ITGAV: variants seen among roughly 807,000 people sequenced by gnomAD.
ITGAV encodes integrin alpha-V.
A neutral mutation model predicts 143.8 loss-of-function variants in ITGAV; 76 were observed. That is an observed-to-expected ratio of 0.53 (90% CI 0.44 to 0.64). The LOEUF (loss-of-function observed/expected upper bound fraction) is 0.64, where lower values mean the gene tolerates loss of function less well. Ranked by LOEUF, ITGAV falls within the 30% of genes least tolerant of loss-of-function variation. ITGAV has a pLI of 0.00. For missense variants in ITGAV, 1,193 were observed against 1,274.7 expected (o/e 0.94, Z 0.98); for synonymous variants, 453 against 446.7 (o/e 1.01, Z -0.18).
intron 17 of ITGAV, among the ~76,000 whole-genome samples, chr2:186,657,784 A>C (rs1192552573): frequency 1.3e-5 from 2 of 152,152 alleles, no homozygotes; most frequent in Non-Finnish European, 2.9e-5. Context: ...TTAGAAAAAC[A>C]ATACAACTGT....
At chr2:186,593,364 C>T (rs1214274119) in intron 1 of ITGAV, among the ~76,000 whole-genome samples, 4 of 151,874 alleles carry the variant, frequency 2.6e-5, no homozygotes, top group African/African-American at 4.8e-5. Flanking sequence ...AATGTTAAGG[C>T]GGCCCCTCAA....
rs1287620218 is a variant in ITGAV, at chr2:186,678,751, T to C, written c.*1459T>C. The C allele has an allele frequency of 6.6e-6, 3 of 455,730 alleles. No homozygotes were observed. Among genetic ancestry groups the C allele is most frequent in the African/African-American group, 6.0e-5 (3 of 50,054 alleles). The allele number at this position is 455,730 out of a possible 1,614,324, so 28.2% of individuals were successfully genotyped here. ...CCTATTTTTGTGCAATTACATCATG[T>C]TGTACATTAGAAATGGAGAGTTTAA... On this transcript the variant is annotated 3_prime_UTR_variant, in exon 30 of 30. Coordinates refer to ENST00000261023, the MANE Select transcript of ITGAV (RefSeq NM_002210.5).
At chr2:186,668,216 ATTTT>A (rs1186490756) in intron 24 of ITGAV, among the ~76,000 whole-genome samples, 1 of 4,190 alleles carries the variant, frequency 2.4e-4, no homozygotes, top group Admixed American at 4.3e-3. Flanking sequence ...ATATATATAT[ATTTT>A]TTTTTTTTTT....
At chr2:186,633,055 A>G (rs1390233386) in intron 5 of ITGAV, among the ~76,000 whole-genome samples, 1 of 151,462 alleles carries the variant, frequency 6.6e-6, no homozygotes, top group East Asian at 1.9e-4. Flanking sequence ...AAATCTCAGC[A>G]CTTTAAGAGG....
chr2:186,609,903 A>G (rs1306786497), intron 2 of ITGAV, among the ~76,000 whole-genome samples: 1 of 152,038 alleles, frequency 6.6e-6, no homozygotes. Flanking sequence ...AAAGATATAA[A>G]TGAGTTTTTA....
intron 13 of ITGAV, among the ~76,000 whole-genome samples, chr2:186,647,852 G>A (rs1688305462): frequency 6.6e-6 from 1 of 152,182 alleles, no homozygotes; most frequent in African/African-American, 2.4e-5. Flanking sequence ...CAATATACAA[G>A]TGTGTTGGTC....
At chr2:186,663,100 A>G (rs1185872535) in intron 18 of ITGAV, among the ~76,000 whole-genome samples, 2 of 152,006 alleles carry the variant, frequency 1.3e-5, no homozygotes, top group Non-Finnish European at 2.9e-5. Flanking sequence ...TCTAGCTGGA[A>G]CATTCTCCTG....
At chr2:186,620,323 G>GA (rs1687486182) in intron 2 of ITGAV, among the ~76,000 whole-genome samples, 2 of 152,164 alleles carry the variant, frequency 1.3e-5, no homozygotes, top group African/African-American at 4.8e-5. Flanking sequence ...AAACACACCT[G>GA]AATTTTCAGT....
chr2:186,637,654 T>G (rs1687985460), intron 8 of ITGAV, among the ~76,000 whole-genome samples: 2 of 152,200 alleles, frequency 1.3e-5, no homozygotes, highest in Non-Finnish European at 2.9e-5. Flanking sequence ...TACACTTGGC[T>G]TCAGTGCCTT....
chr2:186,658,391 C>T (rs201361543), intron 17 of ITGAV, among the ~76,000 whole-genome samples: 2 of 152,160 alleles, frequency 1.3e-5, no homozygotes, highest in South Asian at 2.1e-4. Context: ...TTATACATTG[C>T]GGACGGCAGT....
At chr2:186,601,599 A>G (rs1686908274) in intron 1 of ITGAV, among the ~76,000 whole-genome samples, 1 of 151,914 alleles carries the variant, frequency 6.6e-6, no homozygotes, top group Admixed American at 6.6e-5. Flanking sequence ...CTCAACATTC[A>G]GAATATAGAA....
rs1553505647 is a variant in ITGAV at position 186,668,185 on chromosome 2, C to CATATATGTATATATATATAT, written c.2433+415_2433+416insGTATATATATATATATATAT. Among the ~76,000 whole-genome samples, 21 of 19,074 alleles carry CATATATGTATATATATATAT rather than the reference C, an allele frequency of 1.1e-3. 5 individuals are homozygous for CATATATGTATATATATATAT. The highest frequency in any genetic ancestry group is 1.7e-3 in the Non-Finnish European group (19 of 11,486). 12.5% of individuals were successfully genotyped at this position (19,074 alleles called of 152,430 possible). A position where few individuals can be genotyped will look rare whatever the true frequency, so the allele number is the denominator to read the frequency against. ...TTTGCCTTTTGTTTATACATACATA[C>CATATATGTATATATATATAT]ATATATATATATATATATATATATA... is the stretch of plus-strand genomic sequence containing the variant. On this transcript the variant is annotated intron_variant, in intron 24 of 29. Transcript: ENST00000261023.
intron 26 of ITGAV, among the ~76,000 whole-genome samples, chr2:186,673,401 C>G (rs929125432): frequency 6.6e-6 from 1 of 152,062 alleles, no homozygotes; most frequent in East Asian, 1.9e-4. Flanking sequence ...GAGTCCCTTG[C>G]GATTCCATGT....
At chr2:186,600,348 C>T in intron 1 of ITGAV, 1 of 1,539,564 alleles carries the variant, frequency 6.5e-7, no homozygotes, top group South Asian at 1.2e-5. Flanking sequence ...CTCCTAGGCA[C>T]CCTCCTTCTG....
At position 186,680,679 on chromosome 2, in the gene ITGAV, G is replaced by A. The variant is rs183616377; in HGVS notation, c.*3387G>A. The A allele has an allele frequency of 4.7e-4, 72 of 152,636 alleles. No individual in the cohort carries two copies. Among genetic ancestry groups the A allele is most frequent in the African/African-American group, 1.7e-3 (71 of 41,546 alleles). 9.5% of individuals were successfully genotyped at this position (152,636 alleles called of 1,614,324 possible). On this transcript the variant is annotated 3_prime_UTR_variant, in exon 30 of 30. Transcript: ENST00000261023. ...TTTGAAACACTTTGAAATATCCTAA[G>A]GTAACTTGGAAGCTGTGTAGTATAT...
At chr2:186,618,536 G>T (rs1687431610) in intron 2 of ITGAV, among the ~76,000 whole-genome samples, 1 of 152,220 alleles carries the variant, frequency 6.6e-6, no homozygotes, top group South Asian at 2.1e-4. Flanking sequence ...ACAGAACATG[G>T]TAGCTTTGCA....
intron 2 of ITGAV, among the ~76,000 whole-genome samples, chr2:186,617,603 G>GGC (rs1687401207): frequency 6.6e-6 from 1 of 152,002 alleles, no homozygotes; most frequent in African/African-American, 2.4e-5. Context: ...TTTTGAAAGT[G>GGC]GTAGCATAGA....
chr2:186,636,398 C>T (rs1263648783), intron 7 of ITGAV, among the ~76,000 whole-genome samples, 191 bp downstream of exon 7: 1 of 152,130 alleles, frequency 6.6e-6, no homozygotes, highest in Admixed American at 6.5e-5. Context: ...AAATTGAAGA[C>T]AGTGATTATT....
At chr2:186,642,487 G>A (rs1688133850) in intron 12 of ITGAV, among the ~76,000 whole-genome samples, 1 of 151,710 alleles carries the variant, frequency 6.6e-6, no homozygotes, top group Admixed American at 6.6e-5. Flanking sequence ...GTGTCATCTG[G>A]AAGATTAACC....
Sources: allele counts gnomAD v4.1 joint callset (sites outside exome capture counted in the v4.1 genomes callset), GRCh38; gene constraint gnomAD v4.1.1; transcripts MANE v1.5; gene names NCBI Gene and HGNC (gene_info 2026-07-23, HGNC 2026-07-21).